Variants in PDE4D observed in about 807,000 individuals in gnomAD.
PDE4D encodes the protein phosphodiesterase 4D.
PDE4D carries 24 observed loss-of-function variants against 87.4 expected under a neutral mutation model. The ratio of observed to expected loss-of-function variants is 0.27; its 90% CI spans 0.20 to 0.39. PDE4D has a LOEUF of 0.39. Ranked by LOEUF, PDE4D falls within the 10% of genes least tolerant of loss-of-function variation. PDE4D has a pLI of 1.00. For synonymous variants in PDE4D, 384 were observed against 383.2 expected (o/e 1.00, Z -0.02); for missense variants, 714 against 1,041.0 (o/e 0.69, Z 4.32).
At chr5:59,436,275 T>C (rs563120577) in intron 1 of PDE4D, among the ~76,000 whole-genome samples, 168 of 152,244 alleles carry the variant, frequency 1.1e-3, no homozygotes, top group Non-Finnish European at 2.2e-3. Flanking sequence ...CATCACAGTG[T>C]CTTACAAAAT....
At chr5:59,822,527 T>C (rs1276140015) in intron 1 of PDE4D, among the ~76,000 whole-genome samples, 1 of 152,102 alleles carries the variant, frequency 6.6e-6, no homozygotes, top group Non-Finnish European at 1.5e-5. Context: ...AAAAAGTGAG[T>C]AGAGAGGGAA....
Position 60,305,832 on chromosome 5 carries a change from TAC to T in PDE4D, c.-89-120147_-89-120146del, listed in dbSNP as rs1283571431. Among the ~76,000 whole-genome samples, 9 of 151,282 alleles carry T rather than the reference TAC, an allele frequency of 5.9e-5. No individual in the cohort carries two copies. The East Asian group carries it at 1.6e-3, about 26-fold the overall frequency. ...ATATACATGTGTGTATACACACACA[TAC>T]ACACACACACATAGTTATAACTGTA... On this transcript the variant is annotated intron_variant, in intron 1 of 16. Transcript: ENST00000502484.
chr5:59,702,539 CAACA>C (rs901644992), intron 1 of PDE4D, among the ~76,000 whole-genome samples: 27 of 150,222 alleles, frequency 1.8e-4, no homozygotes, highest in East Asian at 6.0e-4. Flanking sequence ...GCTCAACAGA[CAACA>C]AACAAACAAA....
At chr5:59,923,276 G>A (rs1342106719) in intron 3 of PDE4D, among the ~76,000 whole-genome samples, 1 of 152,186 alleles carries the variant, frequency 6.6e-6, no homozygotes, top group Admixed American at 6.5e-5. Flanking sequence ...TAGGGCAAAG[G>A]GGAACTTGAT....
At chr5:59,885,840 C>G (rs1404468966) in intron 1 of PDE4D, among the ~76,000 whole-genome samples, 3 of 152,106 alleles carry the variant, frequency 2.0e-5, no homozygotes, top group Non-Finnish European at 4.4e-5. Flanking sequence ...TCATACCAAC[C>G]TATACTCACA....
At chr5:60,004,159 A>G (rs1376311658) in intron 2 of PDE4D, among the ~76,000 whole-genome samples, 1 of 152,204 alleles carries the variant, frequency 6.6e-6, no homozygotes, top group African/African-American at 2.4e-5. Context: ...ATAAAAAATA[A>G]ATGGGACTAC....
At chr5:60,064,338 G>T (rs1407955105) in intron 2 of PDE4D, among the ~76,000 whole-genome samples, 1 of 152,026 alleles carries the variant, frequency 6.6e-6, no homozygotes, top group Non-Finnish European at 1.5e-5. Context: ...TGAGAACAAA[G>T]AATAGGTTAA....
chr5:59,732,186 T>C (rs1757452029), intron 1 of PDE4D, among the ~76,000 whole-genome samples: 1 of 152,150 alleles, frequency 6.6e-6, no homozygotes, highest in Non-Finnish European at 1.5e-5. Flanking sequence ...TTCCTATAGT[T>C]CTCTTGTAAT....
chr5:60,162,112 C>T (rs1369164814), intron 2 of PDE4D, among the ~76,000 whole-genome samples: 1 of 151,926 alleles, frequency 6.6e-6, no homozygotes, highest in Non-Finnish European at 1.5e-5. Flanking sequence ...GGGGTGGGGG[C>T]CTCTTTAAAA....
chr5:60,459,935 T>C (rs938499993), intron 1 of PDE4D: 4 of 718,194 alleles, frequency 5.6e-6, no homozygotes, highest in African/African-American at 5.3e-5. Flanking sequence ...TCTTCATTAG[T>C]ATCTTTTTAT....
chr5:60,141,214 G>C lies in PDE4D; in HGVS notation c.42+44343C>G, dbSNP rs150878139. Among the ~76,000 whole-genome samples the C allele has an allele frequency of 5.8e-3, 886 of 152,220 alleles. 7 individuals carry two copies. Among genetic ancestry groups the C allele is most frequent in the African/African-American group, 0.021 (857 of 41,538 alleles). On this transcript the variant is annotated intron_variant, in intron 2 of 16. Coordinates refer to the PDE4D transcript ENST00000502484. ...AGAGACAACCTGTTCTTCCATCTTG[G>C]GGGTGGGTGACAGAAAGCAATGTAG...
chr5:60,283,838 A>G (rs754633451), intron 1 of PDE4D, among the ~76,000 whole-genome samples: 6 of 152,114 alleles, frequency 3.9e-5, no homozygotes, highest in Non-Finnish European at 1.5e-5. Flanking sequence ...CTCATGAACT[A>G]CCATCTGCAG....
intron 2 of PDE4D, among the ~76,000 whole-genome samples, chr5:60,101,296 C>T (rs1009679295): frequency 6.6e-6 from 1 of 151,942 alleles, no homozygotes; most frequent in African/African-American, 2.4e-5. Flanking sequence ...ATCTGGTTGC[C>T]TTCATCCATT....
intron 3 of PDE4D, among the ~76,000 whole-genome samples, chr5:59,973,873 C>T (rs1029803488): frequency 6.6e-6 from 1 of 152,008 alleles, no homozygotes; most frequent in African/African-American, 2.4e-5. Flanking sequence ...GACAAGGTCA[C>T]CAAAGAGAAG....
intron 1 of PDE4D, among the ~76,000 whole-genome samples, chr5:59,786,549 T>G (rs1325290948): frequency 6.6e-6 from 1 of 152,246 alleles, no homozygotes; most frequent in Non-Finnish European, 1.5e-5. Flanking sequence ...GAATTGGATC[T>G]TGACATTCTG....
intron 2 of PDE4D, among the ~76,000 whole-genome samples, chr5:60,090,111 C>T (rs535701306): frequency 3.3e-5 from 5 of 152,232 alleles, no homozygotes; most frequent in Non-Finnish European, 7.4e-5. Context: ...TATACCAATT[C>T]TCTTTAAACT....
At chr5:60,286,044 A>T (rs1006374705) in intron 1 of PDE4D, among the ~76,000 whole-genome samples, 2 of 152,220 alleles carry the variant, frequency 1.3e-5, no homozygotes, top group African/African-American at 4.8e-5. Flanking sequence ...AGACATTTTG[A>T]TTGGACAACT....
At chr5:59,830,359 T>C (rs542082085) in intron 1 of PDE4D, among the ~76,000 whole-genome samples, 29 of 152,140 alleles carry the variant, frequency 1.9e-4, no homozygotes, top group African/African-American at 6.0e-4. Context: ...TATAGAAACA[T>C]AAAACTCAAA....
At chr5:59,254,877 T>C (rs936312651) in intron 1 of PDE4D, among the ~76,000 whole-genome samples, 2 of 152,164 alleles carry the variant, frequency 1.3e-5, no homozygotes, top group Non-Finnish European at 2.9e-5. Flanking sequence ...TATTTTTCCA[T>C]AACTGGGAAC....
Sources: gnomAD v4.1 joint callset for allele counts (sites outside exome capture counted in the v4.1 genomes callset) on GRCh38, gnomAD v4.1.1 for gene constraint, MANE v1.5 for transcripts, NCBI Gene and HGNC (gene_info 2026-07-23, HGNC 2026-07-21) for gene names.